NBAS: variants seen among roughly 807,000 people sequenced by gnomAD.
NBAS encodes the protein NAG/BC035112 fusion.
In NBAS, 219 loss-of-function variants were observed where a neutral mutation model predicts 302.5. The observed-to-expected ratio is 0.72, with a 90% CI of 0.65 to 0.81. NBAS has a LOEUF of 0.81. Among genes scored for constraint, NBAS ranks in the 30% least tolerant of loss-of-function variants. NBAS has a pLI of 0.00. For missense variants in NBAS, 2,932 were observed against 2,841.6 expected, an observed-to-expected ratio of 1.03 and a Z score of -0.72; for synonymous variants, 1,118 against 1,021.6, an observed-to-expected ratio of 1.09 and a Z score of -1.80.
the NBAS span, among the ~76,000 whole-genome samples, chr2:15,151,621 G>C: frequency 4.6e-5 from 7 of 152,152 alleles, no homozygotes; most frequent in Admixed American, 3.9e-4. Flanking sequence ...ACTTATAATA[G>C]AAAAATAGGT....
the NBAS span, among the ~76,000 whole-genome samples, chr2:15,067,250 G>C: frequency 2.6e-5 from 4 of 151,586 alleles, no homozygotes; most frequent in Non-Finnish European, 5.9e-5. Context: ...GAGGCTGATG[G>C]GGGAGGATCA....
chr2:14,819,562 T>G, the NBAS span, among the ~76,000 whole-genome samples: 96 of 152,332 alleles, frequency 6.3e-4, 1 homozygote, highest in African/African-American at 2.2e-3. Context: ...ATGAGAGGAT[T>G]TCAAGGACTT....
the NBAS span, among the ~76,000 whole-genome samples, chr2:15,142,359 C>T: frequency 6.6e-6 from 1 of 152,198 alleles, no homozygotes; most frequent in Non-Finnish European, 1.5e-5. Context: ...AGATGAATGT[C>T]ACATCCGGGA....
At chr2:15,013,568 G>A in the NBAS span, among the ~76,000 whole-genome samples, 1 of 152,130 alleles carries the variant, frequency 6.6e-6, no homozygotes, top group Admixed American at 6.5e-5. Flanking sequence ...GGCATCATTT[G>A]AGGTCAGGAG....
At position 15,440,580 on chromosome 2, in the gene NBAS, G is replaced by C. The variant is rs1287482571; in HGVS notation, c.2340-12786C>G. ...GGGAAAAAACAGAGCAGAAAAACTGGAAACTCTCAAAAGCAGAGCAACTCT... is the reference window on the plus strand; with the variant it reads ...GGGAAAAAACAGAGCAGAAAAACTGCAAACTCTCAAAAGCAGAGCAACTCT... On this transcript the variant is annotated intron_variant, in intron 21 of 51. Coordinates refer to ENST00000281513, the MANE Select transcript of NBAS (RefSeq NM_015909.4). Among the ~76,000 whole-genome samples, 10 of 152,172 alleles carry C rather than the reference G, an allele frequency of 6.6e-5. No homozygotes were observed. The East Asian group carries it at 1.2e-3, about 18-fold the overall frequency.
intron 12 of NBAS, among the ~76,000 whole-genome samples, chr2:15,482,822 A>T (rs1265473094): frequency 6.6e-6 from 1 of 152,136 alleles, no homozygotes; most frequent in Non-Finnish European, 1.5e-5. Flanking sequence ...TTTGTTTTTA[A>T]ATAAATTTGT....
the NBAS span, among the ~76,000 whole-genome samples, chr2:15,060,179 T>C: frequency 1.3e-5 from 2 of 152,008 alleles, no homozygotes; most frequent in African/African-American, 4.8e-5. Context: ...TGGAATAAAA[T>C]CTGTAAGCTC....
chr2:15,300,997 C>A (rs777712043), intron 40 of NBAS, among the ~76,000 whole-genome samples: 1 of 152,162 alleles, frequency 6.6e-6, no homozygotes, highest in Admixed American at 6.5e-5. Context: ...TCAGGAAGCA[C>A]GGCTGGAGGG....
the NBAS span, among the ~76,000 whole-genome samples, chr2:15,110,690 G>T: frequency 6.6e-6 from 1 of 151,966 alleles, no homozygotes; most frequent in Non-Finnish European, 1.5e-5. Context: ...ATCAACATGA[G>T]AAAAAAATAC....
chr2:15,508,984 CAG>C (rs1662009138), intron 10 of NBAS, among the ~76,000 whole-genome samples: 2 of 152,186 alleles, frequency 1.3e-5, no homozygotes, highest in Admixed American at 1.3e-4. Context: ...TTACTTTAGA[CAG>C]AGCTAAGAGA....
At chr2:14,789,913 G>A in the NBAS span, among the ~76,000 whole-genome samples, 202 of 152,288 alleles carry the variant, frequency 1.3e-3, 1 homozygote, top group African/African-American at 4.5e-3. Context: ...GACCTAATGC[G>A]GGAATTGTAA....
intron 44 of NBAS, among the ~76,000 whole-genome samples, chr2:15,243,554 T>C (rs2147960614): frequency 6.6e-6 from 1 of 152,060 alleles, no homozygotes; most frequent in East Asian, 1.9e-4. Context: ...ATATGTGGCT[T>C]TGGTTTTCAG....
At chr2:15,533,718 G>C (rs1375571978) in intron 9 of NBAS, among the ~76,000 whole-genome samples, 2 of 91,418 alleles carry the variant, frequency 2.2e-5, no homozygotes, top group Non-Finnish European at 5.4e-5. Context: ...GTGTGTGTGT[G>C]TGTGTGTGTG....
intron 11 of NBAS, among the ~76,000 whole-genome samples, chr2:15,497,666 G>A (rs1681118893): frequency 6.6e-6 from 1 of 152,202 alleles, no homozygotes; most frequent in South Asian, 2.1e-4. Flanking sequence ...CAAATCTGAA[G>A]TGCAGAGGAG....
chr2:15,049,509 G>A, the NBAS span, among the ~76,000 whole-genome samples: 1 of 152,346 alleles, frequency 6.6e-6, no homozygotes, highest in African/African-American at 2.4e-5. Flanking sequence ...ATAGGGAGAG[G>A]AGGGGTTTGC....
At chr2:15,521,445 T>G (rs1362874086) in intron 9 of NBAS, among the ~76,000 whole-genome samples, 2 of 152,218 alleles carry the variant, frequency 1.3e-5, no homozygotes, top group African/African-American at 4.8e-5. Context: ...ATTTATTTAC[T>G]GAGAAATATT....
the NBAS span, among the ~76,000 whole-genome samples, chr2:15,101,671 T>C: frequency 6.6e-6 from 1 of 152,128 alleles, no homozygotes; most frequent in African/African-American, 2.4e-5. Flanking sequence ...AACCGATGGA[T>C]GGAGAAACAT....
intron 21 of NBAS, among the ~76,000 whole-genome samples, chr2:15,459,585 T>C (rs1490717534): frequency 6.6e-6 from 1 of 151,424 alleles, no homozygotes; most frequent in Non-Finnish European, 1.5e-5. Flanking sequence ...GTTCACGCCA[T>C]TCTCCTGCCT....
intron 12 of NBAS, among the ~76,000 whole-genome samples, chr2:15,482,872 T>C (rs992165633): frequency 5.9e-4 from 90 of 152,300 alleles, no homozygotes; most frequent in Non-Finnish European, 9.6e-4. Context: ...GTTATAGGAC[T>C]GTCAGCTGTG....
Sources: allele counts gnomAD v4.1 joint callset (sites outside exome capture counted in the v4.1 genomes callset), GRCh38; gene constraint gnomAD v4.1.1; transcripts MANE v1.5; gene names NCBI Gene and HGNC (gene_info 2026-07-23, HGNC 2026-07-21).